PKNOX2: variants seen among roughly 807,000 people sequenced by gnomAD.
PKNOX2 encodes the protein homeobox protein PKNOX2.
Under a neutral mutation model 53.1 loss-of-function variants are expected in PKNOX2, and 14 were observed. That is an observed-to-expected ratio of 0.26 (90% confidence interval 0.17 to 0.41). The LOEUF (loss-of-function observed/expected upper bound fraction) is 0.41. Among genes scored for constraint, PKNOX2 ranks in the 10% least tolerant of loss-of-function variants. The pLI is 1.00. For missense variants in PKNOX2, 496 were observed against 602.8 expected (o/e 0.82, Z 1.85); for synonymous variants, 257 against 242.8 (o/e 1.06, Z -0.54).
At chr11:125,248,152 CA>C (rs1327939535) in intron 2 of PKNOX2, among the ~76,000 whole-genome samples, 1 of 152,196 alleles carries the variant, frequency 6.6e-6, no homozygotes, top group East Asian at 1.9e-4. Context: ...CCCAAATGAA[CA>C]AATGAACAGG....
rs560235161 is a variant in PKNOX2, at chr11:125,275,303, G to A, written c.-130+40188G>A. On this transcript the variant is annotated intron_variant, in intron 2 of 12. Coordinates refer to ENST00000298282, the MANE Select transcript of PKNOX2 (RefSeq NM_001382323.2). ...GGAGGGAGAGCATCTCAAGCAGAAG[G>A]AAAAGCAAAAGCCAAGTCTCTGGGG... Among the ~76,000 whole-genome samples, 22 of 152,216 alleles carry A rather than the reference G, an allele frequency of 1.4e-4. 1 individual carries two copies. The highest frequency in any genetic ancestry group is 1.0e-3 in the Admixed American group (16 of 15,284).
At chr11:125,186,299 A>G (rs950586268) in intron 1 of PKNOX2, among the ~76,000 whole-genome samples, 1 of 152,212 alleles carries the variant, frequency 6.6e-6, no homozygotes, top group African/African-American at 2.4e-5. Context: ...TTAAACCCTT[A>G]TCAGGGAAAA....
intron 2 of PKNOX2, among the ~76,000 whole-genome samples, chr11:125,281,158 C>A (rs975855236): frequency 6.6e-6 from 1 of 152,222 alleles, no homozygotes; most frequent in South Asian, 2.1e-4. Flanking sequence ...TAGGGCCATG[C>A]CTCCCCTCTG....
At chr11:125,217,936 A>G (rs1276466360) in intron 1 of PKNOX2, among the ~76,000 whole-genome samples, 1 of 152,150 alleles carries the variant, frequency 6.6e-6, no homozygotes, top group Non-Finnish European at 1.5e-5. Flanking sequence ...CCTAACCTCA[A>G]CTTTCTGTTG....
intron 3 of PKNOX2, among the ~76,000 whole-genome samples, chr11:125,334,945 T>A (rs1483191756): frequency 6.6e-6 from 1 of 152,118 alleles, no homozygotes; most frequent in African/African-American, 2.4e-5. Flanking sequence ...GTAATTGTGG[T>A]AATCATATTT....
chr11:125,227,309 CCATCCA>C (rs1168217052), intron 1 of PKNOX2, among the ~76,000 whole-genome samples: 1 of 152,106 alleles, frequency 6.6e-6, no homozygotes, highest in Non-Finnish European at 1.5e-5. Context: ...TCACTGCCAT[CCATCCA>C]CAGAACGCCT....
chr11:125,165,805 C>A lies in PKNOX2; in HGVS notation c.-201+1029C>A, dbSNP rs1954824951. 1.3e-5 allele frequency among the ~76,000 whole-genome samples: 2 copies of A among 152,336 alleles called. No individual in the cohort carries two copies. Among genetic ancestry groups the A allele is most frequent in the South Asian group, 4.1e-4 (2 of 4,834 alleles). On this transcript the variant is annotated intron_variant, in intron 1 of 12. Transcript: ENST00000298282. The surrounding 1 kb of genome is among the most constrained non-coding windows in gnomAD (Gnocchi z 4.5). Reference sequence around the variant, plus strand: ...GGGGATGAGTTCGTAAAAGAGGGAACTGAAAGCGATCGAGAGCGGAGAGCT... The same window carrying A: ...GGGGATGAGTTCGTAAAAGAGGGAAATGAAAGCGATCGAGAGCGGAGAGCT...
Position 125,429,101 on chromosome 11 carries a change from C to T in PKNOX2, c.1013+13C>T. The T allele has an allele frequency of 1.2e-6, 2 of 1,600,142 alleles. No homozygotes were observed. Among genetic ancestry groups the T allele is most frequent in the Non-Finnish European group, 1.7e-6 (2 of 1,167,234 alleles). On this transcript the variant is annotated intron_variant, in intron 11 of 12. Transcript: ENST00000298282. ...AAGTAAACAACTGGTGAGTTTGCAT[C>T]ACCTGCATGCAGGCTCCCAGATCCA... is the stretch of plus-strand genomic sequence containing the variant.
Position 125,341,244 on chromosome 11 carries a change from T to A in PKNOX2, c.-23+9319T>A, listed in dbSNP as rs981500253. 3.3e-5 allele frequency among the ~76,000 whole-genome samples: 5 copies of A among 150,694 alleles called. No homozygotes were observed. The Admixed American group carries it at 3.3e-4, about 10-fold the overall frequency. ...GGTGGTGCACGCCTGTAGTCCCAGC[T>A]ACTCGGGAGGCTGGGGCAGGAGAAT... is the stretch of plus-strand genomic sequence containing the variant. On this transcript the variant is annotated intron_variant, in intron 3 of 12. Coordinates refer to ENST00000298282, the MANE Select transcript of PKNOX2 (RefSeq NM_001382323.2).
chr11:125,186,148 T>A (rs1201450505), intron 1 of PKNOX2, among the ~76,000 whole-genome samples: 1 of 152,196 alleles, frequency 6.6e-6, no homozygotes, highest in Non-Finnish European at 1.5e-5. Context: ...TGATGTCAAG[T>A]GATGTTGAAT....
chr11:125,242,401 G>A (rs780348562), intron 2 of PKNOX2, among the ~76,000 whole-genome samples: 1 of 152,130 alleles, frequency 6.6e-6, no homozygotes, highest in Non-Finnish European at 1.5e-5. Context: ...GCCGCTCTGG[G>A]AGTTTGCCCT....
intron 7 of PKNOX2, 66 bp downstream of exon 7, chr11:125,398,128 T>G: frequency 6.7e-7 from 1 of 1,492,056 alleles, no homozygotes; most frequent in Non-Finnish European, 9.0e-7. Context: ...GAGCCACGCG[T>G]GGAGGAAGGT....
intron 1 of PKNOX2, among the ~76,000 whole-genome samples, chr11:125,195,883 G>GCACGTACACACA (rs1190771243): frequency 7.0e-6 from 1 of 143,802 alleles, no homozygotes; most frequent in African/African-American, 2.6e-5. Flanking sequence ...ATATGTACAT[G>GCACGTACACACA]CACACACACA....
chr11:125,180,257 C>T (rs1015978901), intron 1 of PKNOX2, among the ~76,000 whole-genome samples: 2 of 152,134 alleles, frequency 1.3e-5, no homozygotes, highest in Non-Finnish European at 2.9e-5. Flanking sequence ...CCTGGCTCTC[C>T]CTTTCCGTCT....
intron 1 of PKNOX2, among the ~76,000 whole-genome samples, chr11:125,172,660 C>T (rs1384311569): frequency 6.6e-6 from 1 of 152,174 alleles, no homozygotes; most frequent in African/African-American, 2.4e-5. Context: ...TCAGAGGTCC[C>T]CTTCTACTCA....
intron 2 of PKNOX2, among the ~76,000 whole-genome samples, chr11:125,268,768 T>C (rs546486169): frequency 6.6e-6 from 1 of 152,098 alleles, no homozygotes. Flanking sequence ...CTGTGAGATC[T>C]GGGCTCGGAC....
intron 6 of PKNOX2, among the ~76,000 whole-genome samples, chr11:125,396,036 G>A (rs1041347429): frequency 6.1e-5 from 9 of 148,532 alleles, no homozygotes; most frequent in African/African-American, 1.0e-4. Context: ...TCACTGTAAC[G>A]TCCACCTCCT....
At chr11:125,253,844 A>C (rs894876547) in intron 2 of PKNOX2, among the ~76,000 whole-genome samples, 3 of 152,074 alleles carry the variant, frequency 2.0e-5, no homozygotes, top group Non-Finnish European at 4.4e-5. Flanking sequence ...AGGCGTCTAG[A>C]TATGCCCCAG....
chr11:125,382,778 T>C (rs893575002), intron 5 of PKNOX2, among the ~76,000 whole-genome samples: 4 of 152,196 alleles, frequency 2.6e-5, no homozygotes, highest in Non-Finnish European at 4.4e-5. Context: ...AATGAAGACT[T>C]ATACTGGAGT....
Sources: allele counts gnomAD v4.1 joint callset (sites outside exome capture counted in the v4.1 genomes callset), GRCh38; gene constraint gnomAD v4.1.1; non-coding constraint Gnocchi (gnomAD v3.1); transcripts MANE v1.5; gene names NCBI Gene and HGNC (gene_info 2026-07-23, HGNC 2026-07-21).